BTN3A3: variants seen among roughly 807,000 people sequenced by gnomAD.
BTN3A3 encodes butyrophilin 3.
Under a neutral mutation model 43.2 loss-of-function variants are expected in BTN3A3, and 39 were observed. That is an observed-to-expected ratio of 0.90 (90% CI 0.70 to 1.18). The LOEUF is 1.18. Among genes scored for constraint, BTN3A3 ranks in the 50% most tolerant of loss-of-function variants. BTN3A3 has a pLI of 0.00. For missense variants in BTN3A3, 631 were observed against 722.8 expected (o/e 0.87, Z 1.46); for synonymous variants, 255 against 272.7 (o/e 0.93, Z 0.64).
intron 5 of BTN3A3, among the ~76,000 whole-genome samples, chr6:26,446,434 C>T (rs1328492567): frequency 6.6e-6 from 1 of 152,154 alleles, no homozygotes; most frequent in Non-Finnish European, 1.5e-5. Context: ...CAAAAGAGTG[C>T]TCATTCTCAC....
At position 26,445,964 on chromosome 6, in the gene BTN3A3, A is replaced by G; in HGVS notation, c.694A>G (p.Thr232Ala). 6.2e-7 allele frequency: 1 copy of G among 1,614,148 alleles called. No individual in the cohort carries two copies. Among genetic ancestry groups the G allele is most frequent in the Non-Finnish European group, 8.5e-7 (1 of 1,180,022 alleles). Residue 232 changes from threonine (T) to alanine (A), a missense_variant, in exon 5 of 11, where the codon ACA (threonine) becomes GCA (alanine). Physicochemically the swap from Thr to Ala is moderately conservative, Grantham distance 58 (BLOSUM62 0). This residue lies in a region of BTN3A3 where 551 missense variants were observed against 584.0 expected (regional missense o/e 0.94). Coordinates refer to ENST00000244519, the MANE Select transcript of BTN3A3 (RefSeq NM_006994.5). ...IRNSLLGLEK[T>A]ASISIADPFF... The stretch of plus-strand genomic sequence containing the variant: ...AAATTCCCTCCTCGGCCTGGAAAAG[A>G]CAGCCAGCATATCCATCGCAGGTCA...
Position 26,452,459 on chromosome 6 carries a change from C to T in BTN3A3, c.*48C>T. On this transcript the variant is annotated 3_prime_UTR_variant, in exon 11 of 11. Transcript: ENST00000244519. ...GACAGTTGTTTTGAGTTTCGTACCA[C>T]CTTATTGTCCCCTTATACAGATAAG... is the stretch of plus-strand genomic sequence containing the variant. 1 of 1,476,968 alleles carries T rather than the reference C, an allele frequency of 6.8e-7. No individual in the cohort carries two copies. The highest frequency in any genetic ancestry group is 9.1e-7 in the Non-Finnish European group (1 of 1,103,820). 91.5% of individuals were successfully genotyped at this position (1,476,968 alleles called of 1,614,324 possible). A position where few individuals can be genotyped will look rare whatever the true frequency, so the allele number is the denominator to read the frequency against.
chr6:26,448,398 A>G lies in BTN3A3; in HGVS notation c.866A>G (p.Glu289Gly), dbSNP rs1405927993. ...TCCAGGGAGACAGAAAGAGAGCGAGAGATGAAAGAAATGGGATACGCTGCA... is the reference window on the plus strand; with the variant it reads ...TCCAGGGAGACAGAAAGAGAGCGAGGGATGAAAGAAATGGGATACGCTGCA... ...ALSRETERER[E>G]MKEMGYAATE... is the part of the protein sequence containing the mutation. The change falls in exon 6 of 11, where the codon GAG becomes GGG. Residue 289 changes from glutamate (E) to glycine (G), a missense_variant. Physicochemically the swap from Glu to Gly is moderately conservative, Grantham distance 98. Transcript: ENST00000244519. The G allele has an allele frequency of 1.2e-6, 2 of 1,613,756 alleles. No homozygotes were observed. The highest frequency in any genetic ancestry group is 1.7e-6 in the Non-Finnish European group (2 of 1,179,970).
intron 1 of BTN3A3, among the ~76,000 whole-genome samples, chr6:26,442,050 G>A (rs148463028): frequency 1.3e-5 from 2 of 152,316 alleles, no homozygotes; most frequent in African/African-American, 4.8e-5. Flanking sequence ...CTGGGTCAGT[G>A]CAAGATCCAG....
intron 10 of BTN3A3, 56 bp from the exon 11 acceptor site, chr6:26,451,619 T>C: frequency 1.3e-6 from 2 of 1,564,588 alleles, no homozygotes; most frequent in Non-Finnish European, 1.7e-6. Flanking sequence ...ATGCTGAGGC[T>C]CTGAAATCCA....
intron 5 of BTN3A3, among the ~76,000 whole-genome samples, chr6:26,447,838 T>G (rs868026176): frequency 5.3e-5 from 8 of 152,064 alleles, no homozygotes; most frequent in Admixed American, 2.0e-4. Flanking sequence ...GACTCCACAG[T>G]TTATGTCCCT....
At position 26,450,162 on chromosome 6, in the gene BTN3A3, TC is replaced by T. The variant is rs763429312; in HGVS notation, c.1018+30del. The T allele has an allele frequency of 2.5e-6, 4 of 1,608,362 alleles. No individual in the cohort carries two copies. In the African/African-American group the frequency reaches 5.4e-5, roughly 22 times the overall value. ...AGTAAATCACTGTATGTTCCCTGGA[TC>T]AACAACCTGAGGGACTATATTCCTT... On this transcript the variant is annotated intron_variant, in intron 10 of 10. Coordinates refer to ENST00000244519, the MANE Select transcript of BTN3A3 (RefSeq NM_006994.5).
chr6:26,443,361 T>A, intron 1 of BTN3A3, 21 bp from the exon 2 acceptor site: 18 of 1,177,368 alleles, frequency 1.5e-5, no homozygotes, highest in Non-Finnish European at 2.1e-5. Context: ...CCTGATCAGA[T>A]AACAGATATT....
rs200139388 is a variant in BTN3A3 at position 26,445,951 on chromosome 6, C to T, written c.681C>T (p.Leu227=). 18 of 1,614,164 alleles carry T rather than the reference C, an allele frequency of 1.1e-5. No individual in the cohort carries two copies. Among genetic ancestry groups the T allele is most frequent in the East Asian group, 2.2e-5 (1 of 44,878 alleles). Reference sequence around the variant, plus strand: ...CCTGCATCATCAGAAATTCCCTCCTCGGCCTGGAAAAGACAGCCAGCATAT... The same window carrying T: ...CCTGCATCATCAGAAATTCCCTCCTTGGCCTGGAAAAGACAGCCAGCATAT... The part of the protein sequence containing the change: ...GVSCIIRNSL[L]GLEKTASISI... The change falls in exon 5 of 11, where the codon CTC becomes CTT. Residue 227 remains leucine (L), a synonymous_variant. Transcript: ENST00000244519.
chr6:26,452,436 C>T lies in BTN3A3; in HGVS notation c.*25C>T. On this transcript the variant is annotated 3_prime_UTR_variant, in exon 11 of 11. Transcript: ENST00000244519. ...ATATTCATTCCATTATTCCATATGA[C>T]AGTTGTTTTGAGTTTCGTACCACCT... The T allele has an allele frequency of 6.4e-7, 1 of 1,558,358 alleles. No homozygotes were observed. Among genetic ancestry groups the T allele is most frequent in the Non-Finnish European group, 8.6e-7 (1 of 1,156,654 alleles).
chr6:26,450,108 A>T lies in BTN3A3; in HGVS notation c.993A>T (p.Glu331Asp), dbSNP rs201134941. 56 of 1,613,612 alleles carry T rather than the reference A, an allele frequency of 3.5e-5. No individual in the cohort carries two copies. Among genetic ancestry groups the T allele is most frequent in the Non-Finnish European group, 4.7e-5 (55 of 1,179,626 alleles). The change falls in exon 10 of 11, where the codon GAA becomes GAT. Residue 331 changes from glutamate to aspartate, a missense_variant and splice_region_variant. Physicochemically the swap from Glu to Asp is conservative, Grantham distance 45 (BLOSUM62 2). This residue lies in a region of BTN3A3 where 551 missense variants were observed against 584.0 expected (regional missense o/e 0.94). Transcript: ENST00000244519. ...TTATCTGTGTCTCCTTCCTTTCAGA[A>T]TGGAAAATGGCCCTCTTCAAACCTG... ...ARGEKSLAYHEWKMALFKPAD... is the reference protein window; with the variant it reads ...ARGEKSLAYHDWKMALFKPAD...
intron 8 of BTN3A3, 97 bp from the exon 9 acceptor site, chr6:26,449,565 T>A (rs1762872094): frequency 7.4e-7 from 1 of 1,355,756 alleles, no homozygotes; most frequent in Non-Finnish European, 1.0e-6. Flanking sequence ...AGTGGAATGG[T>A]CAAAAAGAAA....
chr6:26,449,757 T>A (rs1762878225), intron 9 of BTN3A3, 69 bp downstream of exon 9: 3 of 1,570,622 alleles, frequency 1.9e-6, no homozygotes, highest in African/African-American at 1.3e-5. Flanking sequence ...TTTTCTCTGC[T>A]GTGACCCATT....
At chr6:26,451,565 C>A in intron 10 of BTN3A3, 110 bp from the exon 11 acceptor site, 1 of 1,492,508 alleles carries the variant, frequency 6.7e-7, no homozygotes, top group African/African-American at 1.4e-5. Flanking sequence ...AGGCTAGGGA[C>A]GCCAGGTTCT....
chr6:26,444,249 T>C lies in BTN3A3; in HGVS notation c.378T>C (p.Cys126=). 1 of 1,612,054 alleles carries C rather than the reference T, an allele frequency of 6.2e-7. No homozygotes were observed. Among genetic ancestry groups the C allele is most frequent in the Non-Finnish European group, 8.5e-7 (1 of 1,179,866 alleles). Residue 126 remains cysteine (C), a synonymous_variant, in exon 4 of 11, where the codon TGT becomes TGC. Coordinates refer to ENST00000244519, the MANE Select transcript of BTN3A3 (RefSeq NM_006994.5). Reference sequence around the variant, plus strand: ...CCTCTGACAGTGGAAAGTACTTGTGTTATTTCCAAGATGGTGACTTCTACG... The same window carrying C: ...CCTCTGACAGTGGAAAGTACTTGTGCTATTTCCAAGATGGTGACTTCTACG... The part of the protein sequence containing the change: ...VTASDSGKYL[C]YFQDGDFYEK...
At chr6:26,447,220 T>C (rs1581655148) in intron 5 of BTN3A3, among the ~76,000 whole-genome samples, 1 of 152,360 alleles carries the variant, frequency 6.6e-6, no homozygotes, top group East Asian at 1.9e-4. Flanking sequence ...CAGAGTGATG[T>C]GTATAGAATG....
In BTN3A3 at chr6:26,451,762, G is replaced by A. The variant is rs762891465; in HGVS notation, c.1106G>A (p.Arg369Gln). The A allele has an allele frequency of 9.9e-6, 16 of 1,614,032 alleles. No homozygotes were observed. Among genetic ancestry groups the A allele is most frequent in the East Asian group, 2.2e-5 (1 of 44,884 alleles). ...AGTGTGCAGCGTGCTGAAGAGCCGC[G>A]GGATCTGCCAGACAACCCTGAGAGA... ...QRSVQRAEEP[R>Q]DLPDNPERFE... The change falls in exon 11 of 11, where the codon CGG (arginine) becomes CAG (glutamine). Residue 369 changes from arginine (R) to glutamine (Q), a missense_variant. Coordinates refer to ENST00000244519, the MANE Select transcript of BTN3A3 (RefSeq NM_006994.5).
At chr6:26,450,797 G>A (rs942449420) in intron 10 of BTN3A3, among the ~76,000 whole-genome samples, 2 of 152,170 alleles carry the variant, frequency 1.3e-5, no homozygotes, top group Non-Finnish European at 2.9e-5. Flanking sequence ...TCTAGGAAGG[G>A]GAGGCAGTTA....
intron 10 of BTN3A3, among the ~76,000 whole-genome samples, chr6:26,451,394 AG>A (rs1762926009): frequency 6.6e-6 from 1 of 152,154 alleles, no homozygotes; most frequent in Non-Finnish European, 1.5e-5. Context: ...CAATGTGGGG[AG>A]GGAAACAAGA....
Sources: allele counts gnomAD v4.1 joint callset (sites outside exome capture counted in the v4.1 genomes callset), GRCh38; gene constraint gnomAD v4.1.1; regional missense constraint gnomAD v4.1.1; transcripts MANE v1.5; gene names NCBI Gene and HGNC (gene_info 2026-07-23, HGNC 2026-07-21).